The following SNX29 variants were observed in gnomAD, a reference collection of about 807,000 sequenced individuals.
SNX29 encodes the protein sorting nexin-29.
SNX29 carries 78 observed loss-of-function variants against 102.1 expected under a neutral mutation model. The observed-to-expected ratio is 0.76, with a 90% CI of 0.64 to 0.92. The LOEUF (loss-of-function observed/expected upper bound fraction) is 0.92. Ranked by LOEUF, SNX29 falls within the 40% of genes least tolerant of loss-of-function variation. SNX29 has a pLI of 0.00. For synonymous variants in SNX29, 580 were observed against 414.5 expected (o/e 1.40, Z -4.85); for missense variants, 1,280 against 1,061.7 (o/e 1.21, Z -2.86).
intron 18 of SNX29, among the ~76,000 whole-genome samples, chr16:12,431,261 G>T (rs1343671869): frequency 2.0e-5 from 3 of 152,084 alleles, no homozygotes; most frequent in Non-Finnish European, 4.4e-5. Flanking sequence ...GGAAGAGCGG[G>T]CAGGTAGGAG....
At chr16:12,011,463 C>T (rs1053289820) in intron 3 of SNX29, among the ~76,000 whole-genome samples, 6 of 151,666 alleles carry the variant, frequency 4.0e-5, no homozygotes, top group Admixed American at 2.6e-4. Context: ...TTAGTAGAGA[C>T]GGGGTTTAAC....
At chr16:12,540,724 G>A (rs980055380) in intron 20 of SNX29, among the ~76,000 whole-genome samples, 4 of 152,226 alleles carry the variant, frequency 2.6e-5, no homozygotes, top group African/African-American at 9.6e-5. Flanking sequence ...CAGGGATGAA[G>A]AGCTGGGCAT....
At chr16:12,503,550 C>G (rs960317155) in intron 19 of SNX29, among the ~76,000 whole-genome samples, 3 of 152,198 alleles carry the variant, frequency 2.0e-5, no homozygotes, top group Non-Finnish European at 4.4e-5. Context: ...CTGAGGAAAA[C>G]TCCTAGACTA....
chr16:12,500,956 C>T (rs776702717), intron 19 of SNX29, among the ~76,000 whole-genome samples: 1 of 152,170 alleles, frequency 6.6e-6, no homozygotes, highest in Non-Finnish European at 1.5e-5. Flanking sequence ...CTCTGAGCCA[C>T]GCCTGTCATG....
At position 12,195,109 on chromosome 16, in the gene SNX29, T is replaced by G. The variant is rs185721572; in HGVS notation, c.1596-4492T>G. ...AATAGATATAAGGGGTTAGAGTAAA[T>G]ACACTCTGTACTCTGCTGCATTCAG... On this transcript the variant is annotated intron_variant, in intron 13 of 20. Transcript: ENST00000566228. Among the ~76,000 whole-genome samples, 17 of 152,322 alleles carry G rather than the reference T, an allele frequency of 1.1e-4. No individual in the cohort carries two copies. The East Asian group carries it at 2.1e-3, about 19-fold the overall frequency.
rs11647147 is a variant in SNX29, at chr16:12,540,709, C to G, written c.2318+15868C>G. On this transcript the variant is annotated intron_variant, in intron 20 of 20. Transcript: ENST00000566228. ...TGTTGTAGAAGCTCACATATGAAGA[C>G]GCTCCAGGGATGAAGAGCTGGGCAT... 6.2e-4 allele frequency among the ~76,000 whole-genome samples: 94 copies of G among 152,216 alleles called. 1 individual carries two copies. The highest frequency in any genetic ancestry group is 2.1e-3 in the African/African-American group (87 of 41,542).
At chr16:12,279,470 C>T (rs918244588) in intron 15 of SNX29, among the ~76,000 whole-genome samples, 10 of 152,208 alleles carry the variant, frequency 6.6e-5, no homozygotes, top group African/African-American at 2.4e-4. Flanking sequence ...CTGGGGAGGC[C>T]TGGGGACAGG....
intron 15 of SNX29, among the ~76,000 whole-genome samples, chr16:12,351,246 G>A (rs985284691): frequency 1.3e-5 from 2 of 152,178 alleles, no homozygotes; most frequent in African/African-American, 4.8e-5. Flanking sequence ...AGTGGGGACT[G>A]TCTAGGTTCA....
chr16:12,069,517 C>T (rs1379741739), intron 10 of SNX29, among the ~76,000 whole-genome samples: 1 of 152,088 alleles, frequency 6.6e-6, no homozygotes, highest in Admixed American at 6.5e-5. Context: ...ATCTGCCCAC[C>T]TCGGCCTCCC....
intron 8 of SNX29, among the ~76,000 whole-genome samples, chr16:12,057,691 G>A (rs2050575422): frequency 6.6e-6 from 1 of 152,042 alleles, no homozygotes; most frequent in East Asian, 1.9e-4. Context: ...AGATTTTATA[G>A]TTTAAGCCTT....
intron 16 of SNX29, among the ~76,000 whole-genome samples, chr16:12,387,941 A>G (rs748472680): frequency 2.7e-4 from 41 of 152,324 alleles, no homozygotes; most frequent in Admixed American, 4.6e-4. Context: ...TTTTGCTTTT[A>G]TCTGCAAATT....
At chr16:12,010,931 CTT>C (rs2056627857) in intron 3 of SNX29, among the ~76,000 whole-genome samples, 1 of 151,782 alleles carries the variant, frequency 6.6e-6, no homozygotes, top group South Asian at 2.1e-4. Flanking sequence ...TTTTTTTTCT[CTT>C]TTAAATATCT....
At chr16:12,541,723 C>G (rs973377982) in intron 20 of SNX29, among the ~76,000 whole-genome samples, 4 of 152,120 alleles carry the variant, frequency 2.6e-5, no homozygotes, top group African/African-American at 9.7e-5. Flanking sequence ...TTCCTGTCAC[C>G]TCCTGTCTTT....
rs2079215638 is a variant in SNX29, at chr16:12,572,784, T to C, written c.*4155T>C. 1.9e-6 allele frequency: 2 copies of C among 1,063,296 alleles called. No homozygotes were observed. Among genetic ancestry groups the C allele is most frequent in the Non-Finnish European group, 2.3e-6 (2 of 877,966 alleles). 65.9% of individuals were successfully genotyped at this position (1,063,296 alleles called of 1,614,324 possible). A position where few individuals can be genotyped will look rare whatever the true frequency, so the allele number is the denominator to read the frequency against. ...GGACCCGAGGAAGACCCCACCTCAC[T>C]CCTCCTTCCCCAGTACATCAGACTG... On this transcript the variant is annotated 3_prime_UTR_variant, in exon 21 of 21. Coordinates refer to ENST00000566228, the MANE Select transcript of SNX29 (RefSeq NM_032167.5).
At position 12,572,763 on chromosome 16, in the gene SNX29, C is replaced by A; in HGVS notation, c.*4134C>A. 2.8e-6 allele frequency: 3 copies of A among 1,063,952 alleles called. No homozygotes were observed. The highest frequency in any genetic ancestry group is 2.3e-6 in the Non-Finnish European group (2 of 878,426). The allele number at this position is 1,063,952 out of a possible 1,614,324, so 65.9% of individuals were successfully genotyped here. A position where few individuals can be genotyped will look rare whatever the true frequency, so the allele number is the denominator to read the frequency against. ...GGGCTGGGTTTTCAGCTTCTGGGAC[C>A]CGAGGAAGACCCCACCTCACTCCTC... On this transcript the variant is annotated 3_prime_UTR_variant, in exon 21 of 21. Transcript: ENST00000566228.
chr16:12,044,761 G>T lies in SNX29; in HGVS notation c.429-1623G>T, dbSNP rs140377648. ...GCCTGGTTAATTTTTTGTATTTTTAGTAGAGACGGGGCTTCACTGTGTTAG... is the reference window on the plus strand; with the variant it reads ...GCCTGGTTAATTTTTTGTATTTTTATTAGAGACGGGGCTTCACTGTGTTAG... On this transcript the variant is annotated intron_variant, in intron 5 of 20. Transcript: ENST00000566228. 5.2e-3 allele frequency among the ~76,000 whole-genome samples: 797 copies of T among 152,224 alleles called. 1 individual carries two copies. The highest frequency in any genetic ancestry group is 8.1e-3 in the Non-Finnish European group (548 of 68,012).
intron 20 of SNX29, among the ~76,000 whole-genome samples, chr16:12,547,247 G>A (rs1290019237): frequency 1.3e-5 from 2 of 152,232 alleles, no homozygotes; most frequent in Non-Finnish European, 1.5e-5. Context: ...GGACACAGCA[G>A]GTGCAAAGGT....
intron 20 of SNX29, among the ~76,000 whole-genome samples, chr16:12,538,146 C>A (rs989750120): frequency 6.6e-6 from 1 of 151,966 alleles, no homozygotes; most frequent in African/African-American, 2.4e-5. Context: ...GACGGAGTCT[C>A]ACTCTGTCAC....
In SNX29 at chr16:12,300,495, C is replaced by G. The variant is rs144687401; in HGVS notation, c.1782+22459C>G. On this transcript the variant is annotated intron_variant, in intron 15 of 20. Coordinates refer to ENST00000566228, the MANE Select transcript of SNX29 (RefSeq NM_032167.5). Reference sequence around the variant, plus strand: ...TGTGTTTTGCCTTAGTGTTTATGAACGACTTAATAGTTCTGACAGTTTTTA... The same window carrying G: ...TGTGTTTTGCCTTAGTGTTTATGAAGGACTTAATAGTTCTGACAGTTTTTA... Among the ~76,000 whole-genome samples, 1,438 of 152,246 alleles carry G rather than the reference C, an allele frequency of 9.4e-3. 11 individuals carry two copies. Among genetic ancestry groups the G allele is most frequent in the Middle Eastern group, 0.017 (5 of 294 alleles).
Sources: gnomAD v4.1 joint callset for allele counts (sites outside exome capture counted in the v4.1 genomes callset) on GRCh38, gnomAD v4.1.1 for gene constraint, MANE v1.5 for transcripts, NCBI Gene and HGNC (gene_info 2026-07-23, HGNC 2026-07-21) for gene names.